The following LAMA2 variants were observed in gnomAD, a reference collection of about 807,000 sequenced individuals.
The protein encoded by LAMA2 is laminin subunit alpha 2.
Under a neutral mutation model 364.8 loss-of-function variants are expected in LAMA2, and 269 were observed. The observed-to-expected ratio is 0.74, with a 90% CI of 0.67 to 0.82. The LOEUF is 0.82. Among genes scored for constraint, LAMA2 ranks in the 40% least tolerant of loss-of-function variants. The pLI, the probability that LAMA2 is intolerant of heterozygous loss-of-function variation, is 0.00. For synonymous variants in LAMA2, 1,379 were observed against 1,370.6 expected, an observed-to-expected ratio of 1.01 and a Z score of -0.14; for missense variants, 3,807 against 3,873.2, an observed-to-expected ratio of 0.98 and a Z score of 0.45.
chr6:129,288,600 T>G (rs948706267), intron 19 of LAMA2, among the ~76,000 whole-genome samples: 1 of 152,256 alleles, frequency 6.6e-6, no homozygotes, highest in Non-Finnish European at 1.5e-5. Context: ...AGTTTCATAA[T>G]AGTCATTTAA....
chr6:129,468,497 T>A (rs1156887677), intron 51 of LAMA2, among the ~76,000 whole-genome samples: 1 of 151,874 alleles, frequency 6.6e-6, no homozygotes, highest in Non-Finnish European at 1.5e-5. Context: ...AATTTTTCCT[T>A]ATAAAAAGAA....
At chr6:129,363,752 C>T (rs540947050) in intron 32 of LAMA2, among the ~76,000 whole-genome samples, 16 of 152,162 alleles carry the variant, frequency 1.1e-4, no homozygotes, top group South Asian at 2.1e-4. Context: ...CTAGGATTTC[C>T]GAAAGTCCTA....
At chr6:129,103,291 AT>A (rs920713078) in intron 4 of LAMA2, among the ~76,000 whole-genome samples, 5 of 152,256 alleles carry the variant, frequency 3.3e-5, no homozygotes, top group East Asian at 1.9e-4. Context: ...CATGCATTTA[AT>A]TTTTTTTATT....
At chr6:129,024,397 T>C (rs1422359495) in intron 1 of LAMA2, among the ~76,000 whole-genome samples, 5 of 124,428 alleles carry the variant, frequency 4.0e-5, no homozygotes, top group Non-Finnish European at 8.5e-5. Flanking sequence ...TTTTTTTTTT[T>C]TTTTTTGAGA....
intron 18 of LAMA2, among the ~76,000 whole-genome samples, chr6:129,284,036 C>G (rs755258786): frequency 6.6e-6 from 1 of 152,088 alleles, no homozygotes; most frequent in Non-Finnish European, 1.5e-5. Flanking sequence ...CTCTTCTTTT[C>G]CATGAAGTCC....
At chr6:129,424,696 G>T (rs960173323) in intron 40 of LAMA2, among the ~76,000 whole-genome samples, 7 of 151,984 alleles carry the variant, frequency 4.6e-5, no homozygotes, top group African/African-American at 1.7e-4. Context: ...AATTTTAAAA[G>T]ACAGGTTATA....
intron 37 of LAMA2, among the ~76,000 whole-genome samples, chr6:129,398,614 A>G (rs1048834723): frequency 1.3e-5 from 2 of 150,968 alleles, no homozygotes; most frequent in Non-Finnish European, 2.9e-5. Context: ...AGCTGAGATT[A>G]CAGGCATGCA....
intron 34 of LAMA2, among the ~76,000 whole-genome samples, chr6:129,381,364 A>G (rs1778678352): frequency 6.6e-6 from 1 of 151,500 alleles, no homozygotes. Flanking sequence ...TTTTTTTGAG[A>G]CAGAGGCTCG....
chr6:129,296,065 G>A (rs1374865480), intron 20 of LAMA2, among the ~76,000 whole-genome samples: 1 of 151,594 alleles, frequency 6.6e-6, no homozygotes, highest in Non-Finnish European at 1.5e-5. Flanking sequence ...TATATCCTAA[G>A]CATATTTATA....
At chr6:129,256,283 A>G (rs542423653) in intron 14 of LAMA2, among the ~76,000 whole-genome samples, 2 of 152,106 alleles carry the variant, frequency 1.3e-5, no homozygotes, top group Non-Finnish European at 2.9e-5. Context: ...CAGATTCTTC[A>G]TTTGTAAATG....
chr6:129,042,001 C>A (rs1206061954), intron 1 of LAMA2, among the ~76,000 whole-genome samples: 46 of 142,910 alleles, frequency 3.2e-4, no homozygotes, highest in Admixed American at 4.9e-4. Context: ...GACCCTGTCT[C>A]AAAAAAAAAA....
At chr6:129,168,006 G>A (rs1779873234) in intron 9 of LAMA2, among the ~76,000 whole-genome samples, 2 of 150,628 alleles carry the variant, frequency 1.3e-5, no homozygotes, top group South Asian at 2.1e-4. Flanking sequence ...CTTGTTGATG[G>A]GGTTGTTTGT....
At position 129,308,874 on chromosome 6, in the gene LAMA2, G is replaced by A. The variant is rs910242516; in HGVS notation, c.3175-3987G>A. Reference sequence around the variant, plus strand: ...ATCAGGAGAAAAGCAGGGATGCCATGCATTTAAACAACCAGATCTTGCCGG... The same window carrying A: ...ATCAGGAGAAAAGCAGGGATGCCATACATTTAAACAACCAGATCTTGCCGG... On this transcript the variant is annotated intron_variant, in intron 22 of 64. Coordinates refer to ENST00000421865, the MANE Select transcript of LAMA2 (RefSeq NM_000426.4). 2.0e-5 allele frequency among the ~76,000 whole-genome samples: 3 copies of A among 152,256 alleles called. No homozygotes were observed. In the East Asian group the frequency reaches 5.8e-4, roughly 29 times the overall value.
At position 128,883,172 on chromosome 6, in the gene LAMA2, A is replaced by G; in HGVS notation, c.-74A>G. 7.0e-7 allele frequency: 1 copy of G among 1,425,474 alleles called. No homozygotes were observed. The highest frequency in any genetic ancestry group is 9.6e-7 in the Non-Finnish European group (1 of 1,042,816). The allele number at this position is 1,425,474 out of a possible 1,614,324, so 88.3% of individuals were successfully genotyped here. On this transcript the variant is annotated 5_prime_UTR_variant, in exon 1 of 65. Transcript: ENST00000421865. ...AGCAGCTGCTGCTCGCTCAGCTCACAAGCCAAGGCCAGGGGACAGGGCGGC... is the reference window on the plus strand; with the variant it reads ...AGCAGCTGCTGCTCGCTCAGCTCACGAGCCAAGGCCAGGGGACAGGGCGGC...
At chr6:129,325,949 C>T (rs976922513) in intron 28 of LAMA2, among the ~76,000 whole-genome samples, 11 of 152,274 alleles carry the variant, frequency 7.2e-5, no homozygotes, top group East Asian at 3.9e-4. Flanking sequence ...AAGCGATGCT[C>T]GTGCCTCAGC....
chr6:129,091,463 T>C (rs997037933), intron 3 of LAMA2, among the ~76,000 whole-genome samples: 13 of 152,188 alleles, frequency 8.5e-5, no homozygotes, highest in African/African-American at 3.1e-4. Context: ...TTTTCTCTTA[T>C]AATACAGGAG....
chr6:129,024,505 TC>T (rs1384909349), intron 1 of LAMA2, among the ~76,000 whole-genome samples: 3 of 150,262 alleles, frequency 2.0e-5, no homozygotes. Context: ...TGCCTCAGCC[TC>T]CCAAGTAGCT....
At chr6:129,059,967 T>C (rs1045920805) in intron 3 of LAMA2, 71 bp downstream of exon 3, 11 of 853,846 alleles carry the variant, frequency 1.3e-5, no homozygotes, top group East Asian at 2.6e-5. Context: ...GTTTAGTTAG[T>C]GGTTTGTGGG....
chr6:129,402,443 G>T lies in LAMA2; in HGVS notation c.5682G>T (p.Glu1894Asp). Residue 1894 changes from glutamate to aspartate, a missense_variant, in exon 39 of 65, where the codon GAG becomes GAT. Around this residue, in one of 3 missense-constraint regions of LAMA2, gnomAD observed 3,333 missense variants for 3,345.7 expected, o/e 1.00. Transcript: ENST00000421865. ...RKLAEKVSQA[E>D]SHAAQLNDSS... ...TTGCTGAGAAGGTGTCCCAGGCTGA[G>T]AGCCACGCAGCTCAGTTGAATGACT... The T allele has an allele frequency of 6.2e-7, 1 of 1,614,130 alleles. No individual in the cohort carries two copies. Among genetic ancestry groups the T allele is most frequent in the Non-Finnish European group, 8.5e-7 (1 of 1,180,022 alleles).
Sources: allele counts gnomAD v4.1 joint callset (sites outside exome capture counted in the v4.1 genomes callset), GRCh38; gene constraint gnomAD v4.1.1; regional missense constraint gnomAD v4.1.1; transcripts MANE v1.5; gene names NCBI Gene and HGNC (gene_info 2026-07-23, HGNC 2026-07-21).